The following SP100 variants were observed in gnomAD, a reference collection of about 807,000 sequenced individuals.
SP100 encodes the protein nuclear autoantigen Sp-100.
A neutral mutation model predicts 130.0 loss-of-function variants in SP100; 84 were observed. That is an observed-to-expected ratio of 0.65 (90% CI 0.54 to 0.77). The LOEUF is 0.77. Ranked by LOEUF, SP100 falls within the 30% of genes least tolerant of loss-of-function variation. SP100 has a pLI of 0.00. For missense variants in SP100, 978 were observed against 1,052.2 expected (o/e 0.93, Z 0.97); for synonymous variants, 331 against 351.7 (o/e 0.94, Z 0.66).
intron 24 of SP100, chr2:230,515,819 C>G (rs1690887037): frequency 1.4e-6 from 2 of 1,415,514 alleles, no homozygotes; most frequent in East Asian, 5.0e-5. Flanking sequence ...TAGCCCTGTC[C>G]TGGTGGTATT....
rs142868541 is a variant in SP100 at position 230,494,428 on chromosome 2, G to C, written c.1613G>C (p.Arg538Thr). 8 of 1,605,690 alleles carry C rather than the reference G, an allele frequency of 5.0e-6. No individual in the cohort carries two copies. In the African/African-American group the frequency reaches 9.4e-5, roughly 19 times the overall value. The change falls in exon 18 of 29, where the codon AGG (arginine) becomes ACG (threonine). Residue 538 changes from arginine to threonine, a missense_variant. Coordinates refer to ENST00000340126, the MANE Select transcript of SP100 (RefSeq NM_001080391.2). The stretch of plus-strand genomic sequence containing the variant: ...TTTCTGTTTGCAGGAAAAAAGAGAA[G>C]GCATAGATCTAAAGTAAATGGTCTC... The part of the protein sequence containing the change: ...KHSGKRRKKR[R>T]HRSKVNGLQR...
rs190878570 is a variant in SP100, at chr2:230,535,247, G to C, written c.2095-4020G>C. ...GCTACAGTCCATGGTTTGCTTCTTT[G>C]GGGGAGTTCATGAAAAGGACTTTTG... On this transcript the variant is annotated intron_variant, in intron 24 of 28. Coordinates refer to ENST00000340126, the MANE Select transcript of SP100 (RefSeq NM_001080391.2). Among the ~76,000 whole-genome samples the C allele has an allele frequency of 2.6e-5, 4 of 152,074 alleles. No homozygotes were observed. The East Asian group carries it at 7.7e-4, about 29-fold the overall frequency.
intron 24 of SP100, among the ~76,000 whole-genome samples, chr2:230,532,002 T>C (rs1691722715): frequency 1.3e-5 from 2 of 152,192 alleles, no homozygotes; most frequent in Non-Finnish European, 2.9e-5. Context: ...TTTATGTTTT[T>C]TAGTTTCTAA....
At chr2:230,440,237 A>G (rs1575607976) in intron 2 of SP100, among the ~76,000 whole-genome samples, 1 of 152,204 alleles carries the variant, frequency 6.6e-6, no homozygotes, top group East Asian at 1.9e-4. Flanking sequence ...TGTTCATGAT[A>G]TAATTATTTT....
At position 230,508,045 on chromosome 2, in the gene SP100, G is replaced by C; in HGVS notation, c.2052+14G>C. ...ACAAGAAAAAAGGTGATGATCAAGT[G>C]ATCTTCTGCCAATGTCTCGTCTATT... On this transcript the variant is annotated intron_variant, in intron 23 of 28. Transcript: ENST00000340126. 6.2e-7 allele frequency: 1 copy of C among 1,612,918 alleles called. No homozygotes were observed. Among genetic ancestry groups the C allele is most frequent in the Non-Finnish European group, 8.5e-7 (1 of 1,179,482 alleles).
chr2:230,450,164 A>G lies in SP100; in HGVS notation c.737-8A>G, dbSNP rs2149925371. On this transcript the variant is annotated splice_region_variant and splice_polypyrimidine_tract_variant and intron_variant, in intron 7 of 28. Transcript: ENST00000340126. ...CTGGATCTCAGCTGTGATCTCGTTT[A>G]TCTCCAGAGTCCTGCGAACAAATTG... 1.2e-6 allele frequency: 2 copies of G among 1,608,170 alleles called. No individual in the cohort carries two copies. The highest frequency in any genetic ancestry group is 2.2e-5 in the South Asian group (2 of 90,896).
chr2:230,462,225 G>A (rs1442083446), intron 9 of SP100, among the ~76,000 whole-genome samples: 1 of 152,108 alleles, frequency 6.6e-6, no homozygotes, highest in African/African-American at 2.4e-5. Context: ...TCAGTGGATG[G>A]GCACAACTGC....
intron 2 of SP100, 129 bp downstream of exon 2, chr2:230,417,794 A>G (rs1321132009): frequency 6.5e-6 from 9 of 1,382,726 alleles, no homozygotes; most frequent in Admixed American, 5.8e-5. Flanking sequence ...TTTTTTGCCA[A>G]TATGATTCCG....
Position 230,465,635 on chromosome 2 carries a change from T to C in SP100, c.1142-666T>C, listed in dbSNP as rs2064903140. ...GGGAGAGGAGAAGAAAAGATAACTA[T>C]TGAGTACTGGGCTTAATACCTGGGT... is the stretch of plus-strand genomic sequence containing the variant. On this transcript the variant is annotated intron_variant, in intron 11 of 28. Transcript: ENST00000340126. Among the ~76,000 whole-genome samples the C allele has an allele frequency of 2.0e-5, 3 of 152,120 alleles. 1 individual carries two copies. The South Asian group carries it at 6.2e-4, about 32-fold the overall frequency.
intron 13 of SP100, 89 bp downstream of exon 13, chr2:230,467,304 C>T (rs1468016251): frequency 5.5e-6 from 5 of 916,468 alleles, no homozygotes; most frequent in Non-Finnish European, 8.9e-6. Context: ...AACAGCTATC[C>T]AGGAGCCAGT....
At chr2:230,424,480 A>G (rs559357429) in intron 2 of SP100, among the ~76,000 whole-genome samples, 1 of 152,292 alleles carries the variant, frequency 6.6e-6, no homozygotes, top group South Asian at 2.1e-4. Context: ...CAGCCTGGCC[A>G]ACATGGTGAA....
rs193236131 is a variant in SP100, at chr2:230,438,667, A to G, written c.108-4270A>G. On this transcript the variant is annotated intron_variant, in intron 2 of 28. Transcript: ENST00000340126. ...TATATATACACACACACACACACACACACACACACACACACACACATATGG... is the reference window on the plus strand; with the variant it reads ...TATATATACACACACACACACACACGCACACACACACACACACACATATGG... Among the ~76,000 whole-genome samples, 346 of 151,500 alleles carry G rather than the reference A, an allele frequency of 2.3e-3. 2 individuals carry two copies. The highest frequency in any genetic ancestry group is 6.8e-3 in the Middle Eastern group (2 of 294).
chr2:230,483,498 T>C (rs2065924950), intron 17 of SP100, among the ~76,000 whole-genome samples: 1 of 152,172 alleles, frequency 6.6e-6, no homozygotes, highest in Non-Finnish European at 1.5e-5. Context: ...AGACTTTGGA[T>C]TCTTAAGTAA....
Position 230,443,074 on chromosome 2 carries a change from A to C in SP100, c.245A>C (p.Asp82Ala). 2 of 1,614,092 alleles carry C rather than the reference A, an allele frequency of 1.2e-6. No individual in the cohort carries two copies. Among genetic ancestry groups the C allele is most frequent in the Non-Finnish European group, 1.7e-6 (2 of 1,179,974 alleles). Residue 82 changes from aspartate (D) to alanine (A), a missense_variant, in exon 3 of 29, where the codon GAT becomes GCT. Coordinates refer to ENST00000340126, the MANE Select transcript of SP100 (RefSeq NM_001080391.2). ...FPFLEGLRDR[D>A]LITNKMFEDS... ...TTCCTCGAGGGCCTCCGTGATCGTG[A>C]TCTCATCACAAATAAAATGTTTGAA...
At chr2:230,454,165 T>C (rs1432348367) in intron 8 of SP100, among the ~76,000 whole-genome samples, 3 of 152,076 alleles carry the variant, frequency 2.0e-5, no homozygotes, top group Non-Finnish European at 4.4e-5. Context: ...TCTGATTTTA[T>C]TCATTTGAGT....
At chr2:230,420,016 G>A (rs942909287) in intron 2 of SP100, among the ~76,000 whole-genome samples, 1 of 152,122 alleles carries the variant, frequency 6.6e-6, no homozygotes, top group African/African-American at 2.4e-5. Flanking sequence ...GATAAATTTA[G>A]GAAGAATTTA....
chr2:230,535,906 CAAAAAAAAAAA>C (rs34684038), intron 24 of SP100, among the ~76,000 whole-genome samples: 7 of 47,572 alleles, frequency 1.5e-4, no homozygotes, highest in East Asian at 8.3e-4. Flanking sequence ...GACTCCATCT[CAAAAAAAAAAA>C]AAAAAAAAAA....
intron 17 of SP100, among the ~76,000 whole-genome samples, chr2:230,481,455 T>C (rs1007596493): frequency 1.3e-5 from 2 of 152,152 alleles, no homozygotes; most frequent in Non-Finnish European, 2.9e-5. Context: ...CCTCGCACTC[T>C]CTCTATCATC....
At chr2:230,506,684 C>A (rs2150073075) in intron 22 of SP100, 1 of 396,464 alleles carries the variant, frequency 2.5e-6, no homozygotes, top group South Asian at 3.9e-5. Context: ...TAAATTGTGG[C>A]CTTGACTCTG....
Sources: gnomAD v4.1 joint callset for allele counts (sites outside exome capture counted in the v4.1 genomes callset) on GRCh38, gnomAD v4.1.1 for gene constraint, MANE v1.5 for transcripts, NCBI Gene and HGNC (gene_info 2026-07-23, HGNC 2026-07-21) for gene names.